The following TTC23 variants were observed in gnomAD, a reference collection of about 807,000 sequenced individuals.
TTC23 encodes the protein tetratricopeptide repeat domain 23.
A neutral mutation model predicts 55.1 loss-of-function variants in TTC23; 58 were observed. That is an observed-to-expected ratio of 1.05 (90% CI 0.85 to 1.31). The LOEUF (loss-of-function observed/expected upper bound fraction) is 1.31, where lower values mean the gene tolerates loss of function less well. Among genes scored for constraint, TTC23 ranks in the 50% most tolerant of loss-of-function variants. The pLI is 0.00. For missense variants in TTC23, 516 were observed against 534.4 expected, an observed-to-expected ratio of 0.97 and a Z score of 0.34; for synonymous variants, 203 against 199.9, an observed-to-expected ratio of 1.02 and a Z score of -0.13.
upstream of TTC23, chr15:99,249,621 C>G (rs1322402926): frequency 6.6e-6 from 1 of 152,150 alleles, no homozygotes; most frequent in Non-Finnish European, 1.5e-5. Flanking sequence ...AGAGCACTCA[C>G]CAATAGCGAG....
intron 9 of TTC23, among the ~76,000 whole-genome samples, chr15:99,196,190 A>G (rs2075694353): frequency 6.6e-6 from 1 of 152,052 alleles, no homozygotes; most frequent in Non-Finnish European, 1.5e-5. Flanking sequence ...ATGGGTTAAC[A>G]TAAAAAATTA....
chr15:99,214,334 C>T (rs991311455), intron 8 of TTC23, among the ~76,000 whole-genome samples: 3 of 151,746 alleles, frequency 2.0e-5, no homozygotes, highest in African/African-American at 4.8e-5. Flanking sequence ...GGTGAAACAC[C>T]GTCTCTACTA....
At chr15:99,202,795 A>G (rs2076305470) in intron 8 of TTC23, among the ~76,000 whole-genome samples, 3 of 152,224 alleles carry the variant, frequency 2.0e-5, no homozygotes, top group African/African-American at 7.2e-5. Context: ...AGCAGTAGAA[A>G]ACCCAAACTG....
At position 99,221,879 on chromosome 15, in the gene TTC23, A is replaced by G; in HGVS notation, c.181-15T>C. ...GCCTGTTTGTACTGTTAGGAAGAGA[A>G]AACAGGCTTACCAGTTATACAACTT... On this transcript the variant is annotated splice_polypyrimidine_tract_variant and intron_variant, in intron 5 of 13. Transcript: ENST00000394132. 6.2e-7 allele frequency: 1 copy of G among 1,612,762 alleles called. No individual in the cohort carries two copies. Among genetic ancestry groups the G allele is most frequent in the South Asian group, 1.1e-5 (1 of 90,902 alleles).
intron 9 of TTC23, among the ~76,000 whole-genome samples, chr15:99,179,233 C>T (rs1397808783): frequency 6.6e-6 from 1 of 152,208 alleles, no homozygotes; most frequent in African/African-American, 2.4e-5. Flanking sequence ...CACTCCAGAC[C>T]TCATCATCGC....
chr15:99,200,098 TA>T lies in TTC23; in HGVS notation c.582-3del. The T allele has an allele frequency of 1.3e-6, 2 of 1,568,824 alleles. No homozygotes were observed. The highest frequency in any genetic ancestry group is 1.7e-6 in the Non-Finnish European group (2 of 1,163,210). On this transcript the variant is annotated splice_region_variant and splice_polypyrimidine_tract_variant and intron_variant, in intron 8 of 13. Coordinates refer to ENST00000394132, the MANE Select transcript of TTC23 (RefSeq NM_001288615.3). ...GACTTCTTCTGACCTTGATACACCC[TA>T]AAAAAATCAAAGGAATTATTTTATT...
chr15:99,168,141 C>T (rs1012496225), intron 10 of TTC23, among the ~76,000 whole-genome samples: 1 of 152,200 alleles, frequency 6.6e-6, no homozygotes, highest in African/African-American at 2.4e-5. Flanking sequence ...GTGCCATAGA[C>T]AGGGGCCTGT....
Position 99,223,101 on chromosome 15 carries a change from CTGTT to C in TTC23, c.181-1241_181-1238del, listed in dbSNP as rs547098698. The stretch of plus-strand genomic sequence containing the variant: ...TTCCCTTTGAATCTGGGCTTTATGA[CTGTT>C]TGGCCAATAGAACGTGGAGGAAATG... On this transcript the variant is annotated intron_variant, in intron 5 of 13. Transcript: ENST00000394132. Among the ~76,000 whole-genome samples the C allele has an allele frequency of 9.2e-5, 14 of 152,268 alleles. 1 individual carries two copies. The South Asian group carries it at 1.9e-3, about 20-fold the overall frequency.
intron 12 of TTC23, among the ~76,000 whole-genome samples, chr15:99,151,577 G>A (rs868967226): frequency 2.0e-5 from 3 of 152,196 alleles, no homozygotes; most frequent in African/African-American, 7.2e-5. Context: ...TCCTGCCGGC[G>A]AATCACTGGC....
intron 6 of TTC23, among the ~76,000 whole-genome samples, chr15:99,221,063 C>T (rs2077882880): frequency 6.6e-6 from 1 of 152,210 alleles, no homozygotes; most frequent in Admixed American, 6.5e-5. Context: ...AATTAGAACC[C>T]TTCCCAAATC....
At chr15:99,187,543 A>C (rs551881533) in intron 9 of TTC23, among the ~76,000 whole-genome samples, 98 of 151,830 alleles carry the variant, frequency 6.5e-4, no homozygotes, top group African/African-American at 2.3e-3. Context: ...AGGACACATC[A>C]AGAAAGTCAA....
At chr15:99,156,880 C>T (rs1255448447) in intron 11 of TTC23, among the ~76,000 whole-genome samples, 5 of 152,244 alleles carry the variant, frequency 3.3e-5, no homozygotes, top group Admixed American at 6.5e-5. Context: ...TCAGCCATTA[C>T]AGGAATCCAT....
chr15:99,153,283 T>A (rs116407582), intron 12 of TTC23, among the ~76,000 whole-genome samples: 2 of 152,360 alleles, frequency 1.3e-5, no homozygotes, highest in African/African-American at 4.8e-5. Flanking sequence ...AAGACAAGGT[T>A]CATATTTGTC....
At chr15:99,192,050 T>C (rs1420350024) in intron 9 of TTC23, among the ~76,000 whole-genome samples, 2 of 152,130 alleles carry the variant, frequency 1.3e-5, no homozygotes, top group South Asian at 2.1e-4. Context: ...TTGTGGAACT[T>C]TGAACTTGAG....
intron 9 of TTC23, among the ~76,000 whole-genome samples, chr15:99,180,749 G>C (rs1297242131): frequency 6.6e-6 from 1 of 152,126 alleles, no homozygotes; most frequent in Non-Finnish European, 1.5e-5. Context: ...AATAATTTGG[G>C]GTTCAGTGAC....
intron 9 of TTC23, among the ~76,000 whole-genome samples, chr15:99,192,510 G>A (rs1178512199): frequency 6.6e-6 from 1 of 152,206 alleles, no homozygotes; most frequent in South Asian, 2.1e-4. Flanking sequence ...CTGAAGACTT[G>A]GCAGCTTCCT....
At chr15:99,207,599 A>T (rs1443400976) in intron 8 of TTC23, among the ~76,000 whole-genome samples, 1 of 152,186 alleles carries the variant, frequency 6.6e-6, no homozygotes, top group East Asian at 1.9e-4. Flanking sequence ...TCTACTAAAA[A>T]TACAAAAATT....
chr15:99,180,327 T>C (rs1180391460), intron 9 of TTC23, among the ~76,000 whole-genome samples: 2 of 151,590 alleles, frequency 1.3e-5, no homozygotes, highest in South Asian at 2.1e-4. Flanking sequence ...TATTCCACAT[T>C]GAACAAGGTC....
intron 12 of TTC23, chr15:99,140,373 T>C (rs2068085654): frequency 6.6e-6 from 1 of 152,014 alleles, no homozygotes; most frequent in African/African-American, 2.4e-5. Flanking sequence ...GGAAAATATA[T>C]ATATATATAT....
Sources: allele counts gnomAD v4.1 joint callset (sites outside exome capture counted in the v4.1 genomes callset), GRCh38; gene constraint gnomAD v4.1.1; transcripts MANE v1.5; gene names NCBI Gene and HGNC (gene_info 2026-07-23, HGNC 2026-07-21).